Variants in GALNT13 observed in about 807,000 individuals in gnomAD.
The protein encoded by GALNT13 is UDP-GalNAc:polypeptide N-acetylgalactosaminyltransferase 13.
GALNT13 carries 28 observed loss-of-function variants against 64.2 expected under a neutral mutation model. The ratio of observed to expected loss-of-function variants is 0.44; its 90% CI spans 0.32 to 0.60. GALNT13 has a LOEUF of 0.60. Ranked by LOEUF, GALNT13 falls within the 20% of genes least tolerant of loss-of-function variation. The probability of loss-of-function intolerance (pLI) is 0.05; values close to 1 mark genes in which losing one functional copy is unlikely to be tolerated. For synonymous variants in GALNT13, 214 were observed against 224.6 expected, an observed-to-expected ratio of 0.95 and a Z score of 0.42; for missense variants, 577 against 669.8, an observed-to-expected ratio of 0.86 and a Z score of 1.53.
At chr2:153,769,542 A>G in the GALNT13 span, among the ~76,000 whole-genome samples, 1 of 152,076 alleles carries the variant, frequency 6.6e-6, no homozygotes, top group Non-Finnish European at 1.5e-5. Context: ...GGATAGTTTG[A>G]TTATCATATG....
chr2:153,752,576 C>T, the GALNT13 span, among the ~76,000 whole-genome samples: 1 of 152,126 alleles, frequency 6.6e-6, no homozygotes, highest in Non-Finnish European at 1.5e-5. Context: ...TCTCTCTCTT[C>T]TGGCCTGTAA....
intron 3 of GALNT13, among the ~76,000 whole-genome samples, chr2:153,951,048 C>A (rs1307598429): frequency 2.0e-5 from 3 of 151,824 alleles, no homozygotes; most frequent in Admixed American, 6.6e-5. Context: ...TACAACAAAA[C>A]TTTACAAAAG....
chr2:154,395,534 T>A (rs2105361536), intron 9 of GALNT13, among the ~76,000 whole-genome samples: 1 of 152,232 alleles, frequency 6.6e-6, no homozygotes, highest in African/African-American at 2.4e-5. Flanking sequence ...ATATGTACAG[T>A]CTATTACGTG....
the GALNT13 span, among the ~76,000 whole-genome samples, chr2:153,114,888 C>T: frequency 2.0e-5 from 3 of 152,104 alleles, no homozygotes; most frequent in East Asian, 3.9e-4. Flanking sequence ...AAACATTGGA[C>T]TTTAGAGTTG....
chr2:153,401,886 G>A, the GALNT13 span, among the ~76,000 whole-genome samples: 3 of 152,084 alleles, frequency 2.0e-5, no homozygotes, highest in Admixed American at 1.3e-4. Flanking sequence ...AATCCAATTT[G>A]CCAGTCTGTG....
At chr2:153,165,645 G>T in the GALNT13 span, among the ~76,000 whole-genome samples, 1 of 152,224 alleles carries the variant, frequency 6.6e-6, no homozygotes, top group East Asian at 1.9e-4. Context: ...CCAGGAAGCT[G>T]GTATTCTCTC....
the GALNT13 span, among the ~76,000 whole-genome samples, chr2:153,775,126 A>G: frequency 6.6e-6 from 1 of 152,162 alleles, no homozygotes; most frequent in Middle Eastern, 3.2e-3. Context: ...GAATAAGTAG[A>G]TAGGAGAGGA....
chr2:153,869,790 A>G (rs1227006226), upstream of GALNT13, among the ~76,000 whole-genome samples: 1 of 152,100 alleles, frequency 6.6e-6, no homozygotes, highest in Non-Finnish European at 1.5e-5. Flanking sequence ...ATGGCATTAT[A>G]GTTTCTCCCA....
intron 12 of GALNT13, among the ~76,000 whole-genome samples, chr2:154,442,244 A>G (rs966970196): frequency 5.3e-5 from 8 of 152,128 alleles, no homozygotes; most frequent in Non-Finnish European, 1.0e-4. Context: ...ATTTTGCTCT[A>G]ATTGCTTACA....
the GALNT13 span, among the ~76,000 whole-genome samples, chr2:153,720,336 G>C: frequency 6.7e-6 from 1 of 148,526 alleles, no homozygotes; most frequent in Non-Finnish European, 1.5e-5. Flanking sequence ...AAGACCAAAA[G>C]TAGATAAAAC....
In GALNT13 at chr2:154,325,605, T is replaced by A. The variant is rs978994405; in HGVS notation, c.1156+24016T>A. Among the ~76,000 whole-genome samples the A allele has an allele frequency of 1.7e-4, 26 of 152,246 alleles. 1 individual carries two copies. Among genetic ancestry groups the A allele is most frequent in the African/African-American group, 4.8e-4 (20 of 41,570 alleles). On this transcript the variant is annotated intron_variant, in intron 9 of 12. Transcript: ENST00000392825. ...TTTCTTTTAACCTTTTTTCTTTTTT[T>A]AAATTTTAATTATTGTGGATACATA... is the stretch of plus-strand genomic sequence containing the variant.
At chr2:153,574,129 GTT>G in the GALNT13 span, among the ~76,000 whole-genome samples, 547 of 140,426 alleles carry the variant, frequency 3.9e-3, 1 homozygote, top group African/African-American at 9.3e-3. Flanking sequence ...GTAAGGTAAA[GTT>G]TTTTTTTTTT....
chr2:153,077,195 A>G, the GALNT13 span, among the ~76,000 whole-genome samples: 1 of 151,742 alleles, frequency 6.6e-6, no homozygotes, highest in African/African-American at 2.4e-5. Flanking sequence ...CAGGTGATCC[A>G]CCTACCTCAG....
At chr2:153,606,391 T>G in the GALNT13 span, among the ~76,000 whole-genome samples, 1 of 152,080 alleles carries the variant, frequency 6.6e-6, no homozygotes, top group Non-Finnish European at 1.5e-5. Context: ...TAAACAAAGA[T>G]TGTCCAATCT....
the GALNT13 span, among the ~76,000 whole-genome samples, chr2:153,725,510 G>C: frequency 6.6e-6 from 1 of 151,506 alleles, no homozygotes; most frequent in East Asian, 1.9e-4. Context: ...AAGCTAATAT[G>C]ACTAAGATGC....
chr2:153,492,847 C>T, the GALNT13 span, among the ~76,000 whole-genome samples: 1 of 152,054 alleles, frequency 6.6e-6, no homozygotes, highest in Non-Finnish European at 1.5e-5. Flanking sequence ...AGTATATTGT[C>T]TGATCATGGC....
At chr2:154,446,903 A>T in intron 12 of GALNT13, 1 of 831,624 alleles carries the variant, frequency 1.2e-6, no homozygotes. Context: ...TCTGTCTTTT[A>T]CTTCCTAGCT....
chr2:153,143,961 G>A, the GALNT13 span, among the ~76,000 whole-genome samples: 1 of 151,862 alleles, frequency 6.6e-6, no homozygotes, highest in Admixed American at 6.6e-5. Context: ...CTCACCCTAG[G>A]CATTCATTGT....
chr2:153,891,362 T>A (rs16834781), intron 1 of GALNT13, among the ~76,000 whole-genome samples: 21,159 of 151,618 alleles, frequency 0.14, 1,670 homozygotes, highest in South Asian at 0.21. Context: ...TCCATGTGAC[T>A]TTTTTTTTCT....
Sources: gnomAD v4.1 joint callset for allele counts (sites outside exome capture counted in the v4.1 genomes callset) on GRCh38, gnomAD v4.1.1 for gene constraint, MANE v1.5 for transcripts, NCBI Gene and HGNC (gene_info 2026-07-23, HGNC 2026-07-21) for gene names.